ZRANB1: variants seen among roughly 807,000 people sequenced by gnomAD.
The protein encoded by ZRANB1 is ubiquitin thioesterase ZRANB1.
A neutral mutation model predicts 80.5 loss-of-function variants in ZRANB1; 16 were observed. The ratio of observed to expected loss-of-function variants is 0.20; its 90% CI spans 0.13 to 0.30. ZRANB1 has a LOEUF of 0.30. Ranked by LOEUF, ZRANB1 falls within the 10% of genes least tolerant of loss-of-function variation. The probability of loss-of-function intolerance (pLI) is 1.00; values close to 1 mark genes in which losing one functional copy is unlikely to be tolerated. For missense variants in ZRANB1, 576 were observed against 862.6 expected (o/e 0.67, Z 4.16); for synonymous variants, 291 against 293.1 (o/e 0.99, Z 0.07).
At chr10:124,931,708 C>T in the ZRANB1 span, among the ~76,000 whole-genome samples, 13 of 152,160 alleles carry the variant, frequency 8.5e-5, no homozygotes, top group African/African-American at 3.1e-4. Context: ...GTTAAGTTCA[C>T]AACAAAATTG....
intron 1 of ZRANB1, among the ~76,000 whole-genome samples, chr10:124,953,001 T>C (rs1589843639): frequency 6.6e-6 from 1 of 152,108 alleles, no homozygotes; most frequent in African/African-American, 2.4e-5. Context: ...CTCGGCTGAC[T>C]GCAACCTCTG....
At chr10:124,951,169 A>G (rs536873864) in intron 1 of ZRANB1, among the ~76,000 whole-genome samples, 1 of 152,338 alleles carries the variant, frequency 6.6e-6, no homozygotes, top group South Asian at 2.1e-4. Context: ...TTTCTCAAGT[A>G]AATTATTAAA....
intron 1 of ZRANB1, among the ~76,000 whole-genome samples, chr10:124,962,650 C>T (rs2134275002): frequency 6.6e-6 from 1 of 152,164 alleles, no homozygotes; most frequent in South Asian, 2.1e-4. Context: ...GTAAACTGTA[C>T]TCCTGGCCCA....
the ZRANB1 span, among the ~76,000 whole-genome samples, chr10:124,932,591 G>T: frequency 6.6e-6 from 1 of 151,108 alleles, no homozygotes. Flanking sequence ...ATTCCCACCA[G>T]CAATGAATGA....
Position 124,983,499 on chromosome 10 carries a change from G to C in ZRANB1, c.1719G>C (p.Trp573Cys), listed in dbSNP as rs773210513. The change falls in exon 8 of 9, where the codon TGG (tryptophan) becomes TGC (cysteine). Residue 573 changes from tryptophan (W) to cysteine (C), a missense_variant. Trp to Cys is a radical substitution (Grantham distance 215, BLOSUM62 -2). This residue lies in a region of ZRANB1 where 152 missense variants were observed against 221.9 expected (regional missense o/e 0.69). Transcript: ENST00000359653. This position sits in a 1 kb window ranked among gnomAD's most constrained non-coding sequence, Gnocchi z 6.2. ...LPLLWEQSFC[W>C]KSPIALGYTR... ...TGTTGTGGGAACAGAGTTTTTGTTG[G>C]AAAAGTCCGATTGCTCTGGGTTATA... is the stretch of plus-strand genomic sequence containing the variant. 6.2e-7 allele frequency: 1 copy of C among 1,612,896 alleles called. No individual in the cohort carries two copies. Among genetic ancestry groups the C allele is most frequent in the East Asian group, 2.2e-5 (1 of 44,826 alleles).
rs1322846622 is a variant in ZRANB1 at position 124,983,407 on chromosome 10, G to A, written c.1679-52G>A. On this transcript the variant is annotated intron_variant, in intron 7 of 8. Coordinates refer to ENST00000359653, the MANE Select transcript of ZRANB1 (RefSeq NM_017580.3). This position sits in a 1 kb window ranked among gnomAD's most constrained non-coding sequence, Gnocchi z 6.2. The stretch of plus-strand genomic sequence containing the variant: ...GGGAATGTGAACAAGGGCAGTGAGG[G>A]AGTGGCTCTTTCTTCCTGTGACTGT... 6.3e-7 allele frequency: 1 copy of A among 1,591,202 alleles called. No homozygotes were observed. The highest frequency in any genetic ancestry group is 8.6e-7 in the Non-Finnish European group (1 of 1,165,326).
intron 4 of ZRANB1, 108 bp downstream of exon 4, chr10:124,973,824 T>C: frequency 1.0e-6 from 1 of 989,308 alleles, no homozygotes; most frequent in East Asian, 2.4e-5. Context: ...TTATTTTTAT[T>C]TTAAATTAAA....
At chr10:124,971,624 G>A (rs951447748) in intron 2 of ZRANB1, among the ~76,000 whole-genome samples, 3 of 152,160 alleles carry the variant, frequency 2.0e-5, no homozygotes, top group Non-Finnish European at 2.9e-5. Flanking sequence ...TTGTGTGCAC[G>A]ATGGTTAGTC....
chr10:124,972,169 A>G (rs1358308209), intron 3 of ZRANB1, 51 bp downstream of exon 3: 2 of 1,566,566 alleles, frequency 1.3e-6, no homozygotes, highest in Middle Eastern at 1.7e-4. Context: ...TTATAGTTAC[A>G]TTTGTGTATG....
chr10:124,922,307 ATATATATGTAAAATATATG>A, the ZRANB1 span, among the ~76,000 whole-genome samples: 6,230 of 103,264 alleles, frequency 0.06, 316 homozygotes, highest in African/African-American at 0.11. Flanking sequence ...TAAAATATAT[ATATATATGTAAAATATATG>A]TATATATATA....
intron 1 of ZRANB1, among the ~76,000 whole-genome samples, chr10:124,953,439 A>G (rs1350282057): frequency 6.6e-6 from 1 of 152,164 alleles, no homozygotes; most frequent in African/African-American, 2.4e-5. Context: ...CTTTTGAATT[A>G]TGTTTGATGC....
chr10:124,983,705 ATG>A lies in ZRANB1; in HGVS notation c.1908+18_1908+19del, dbSNP rs772980364. On this transcript the variant is annotated intron_variant, in intron 8 of 8. Transcript: ENST00000359653. The surrounding 1 kb of genome is among the most constrained non-coding windows in gnomAD (Gnocchi z 6.2). ...GCTCAGGAGGTAAGCAGTTTCTCCT[ATG>A]AACTATTTCTAGTAGTGACCTTGTA... 2 of 1,546,472 alleles carry A rather than the reference ATG, an allele frequency of 1.3e-6. No individual in the cohort carries two copies. The highest frequency in any genetic ancestry group is 1.4e-5 in the African/African-American group (1 of 73,330).
the ZRANB1 span, among the ~76,000 whole-genome samples, chr10:124,930,453 A>G: frequency 6.6e-6 from 1 of 152,104 alleles, no homozygotes; most frequent in Non-Finnish European, 1.5e-5. Flanking sequence ...TTTAGTAGAG[A>G]CAGGGTTTCA....
Position 124,966,711 on chromosome 10 carries a change from T to G in ZRANB1, c.932T>G (p.Val311Gly). 2 of 1,614,202 alleles carry G rather than the reference T, an allele frequency of 1.2e-6. No homozygotes were observed. Among genetic ancestry groups the G allele is most frequent in the Non-Finnish European group, 1.7e-6 (2 of 1,180,028 alleles). Residue 311 changes from valine to glycine, a missense_variant, in exon 2 of 9, where the codon GTT (valine) becomes GGT (glycine). Around this residue, in one of 3 missense-constraint regions of ZRANB1, gnomAD observed 411 missense variants for 583.1 expected, o/e 0.70. Coordinates refer to ENST00000359653, the MANE Select transcript of ZRANB1 (RefSeq NM_017580.3). ...RLLNRPSAFD[V>G]GYTLVHLAIR... Reference sequence around the variant, plus strand: ...CTGAATCGTCCTTCTGCCTTTGATGTTGGCTATACTCTTGTACACTTGGCT... The same window carrying G: ...CTGAATCGTCCTTCTGCCTTTGATGGTGGCTATACTCTTGTACACTTGGCT...
At chr10:124,955,240 TTTTG>T (rs1951679757) in intron 1 of ZRANB1, among the ~76,000 whole-genome samples, 1 of 152,004 alleles carries the variant, frequency 6.6e-6, no homozygotes, top group Admixed American at 6.5e-5. Flanking sequence ...TTTGTTTTTT[TTTTG>T]TTTGTTTTTG....
intron 2 of ZRANB1, among the ~76,000 whole-genome samples, chr10:124,968,443 G>A (rs77187948): frequency 0.056 from 8,361 of 150,310 alleles, 736 homozygotes; most frequent in African/African-American, 0.19. Flanking sequence ...CAGTGAAGCC[G>A]GGGTGGGGGG....
chr10:124,987,631 C>A lies in ZRANB1; in HGVS notation c.*2639C>A, dbSNP rs1244398532. The A allele has an allele frequency of 6.6e-6, 1 of 152,098 alleles. No homozygotes were observed. The highest frequency in any genetic ancestry group is 1.5e-5 in the Non-Finnish European group (1 of 68,028). 9.4% of individuals were successfully genotyped at this position (152,098 alleles called of 1,614,324 possible). A position where few individuals can be genotyped will look rare whatever the true frequency, so the allele number is the denominator to read the frequency against. On this transcript the variant is annotated 3_prime_UTR_variant, in exon 9 of 9. Coordinates refer to ENST00000359653, the MANE Select transcript of ZRANB1 (RefSeq NM_017580.3). ...GTAATAGGTCAGTAACTATGAGCGC[C>A]GTCTCTCTCCATGTGAGCTTGTGTT...
chr10:124,946,129 G>A (rs920796511), intron 1 of ZRANB1, among the ~76,000 whole-genome samples: 1 of 152,200 alleles, frequency 6.6e-6, no homozygotes, highest in Admixed American at 6.5e-5. Context: ...ATTTAAAAGT[G>A]GAACAAGGCC....
chr10:124,937,559 AT>A (rs1286924169), upstream of ZRANB1, among the ~76,000 whole-genome samples: 3 of 152,048 alleles, frequency 2.0e-5, no homozygotes, highest in African/African-American at 7.2e-5. Context: ...TGTAGCTACA[AT>A]TTTGAGGAAT....
Sources: gnomAD v4.1 joint callset for allele counts (sites outside exome capture counted in the v4.1 genomes callset) on GRCh38, gnomAD v4.1.1 for gene constraint, gnomAD v4.1.1 regional missense constraint, Gnocchi (gnomAD v3.1) non-coding constraint, MANE v1.5 for transcripts, NCBI Gene and HGNC (gene_info 2026-07-23, HGNC 2026-07-21) for gene names.